ZMAT4: variants seen among roughly 807,000 people sequenced by gnomAD.
The protein encoded by ZMAT4 is zinc finger matrin-type protein 4.
In ZMAT4, 17 loss-of-function variants were observed where a neutral mutation model predicts 28.7. That is an observed-to-expected ratio of 0.59 (90% CI 0.41 to 0.89). ZMAT4 has a LOEUF of 0.89. Ranked by LOEUF, ZMAT4 falls within the 40% of genes least tolerant of loss-of-function variation. The probability of loss-of-function intolerance (pLI) is 0.00; values close to 1 mark genes in which losing one functional copy is unlikely to be tolerated. For missense variants in ZMAT4, 240 were observed against 283.8 expected (o/e 0.85, Z 1.11); for synonymous variants, 117 against 109.2 (o/e 1.07, Z -0.44).
intron 1 of ZMAT4, among the ~76,000 whole-genome samples, chr8:40,845,926 A>T (rs1816879133): frequency 6.6e-6 from 1 of 152,158 alleles, no homozygotes; most frequent in African/African-American, 2.4e-5. Flanking sequence ...GCCAACTGAC[A>T]GATGGCCCTC....
At chr8:40,755,854 C>T (rs546439860) in intron 3 of ZMAT4, among the ~76,000 whole-genome samples, 5 of 152,270 alleles carry the variant, frequency 3.3e-5, no homozygotes, top group Admixed American at 6.5e-5. Flanking sequence ...ACAGACCACA[C>T]AAAAACAGGC....
At chr8:40,670,296 A>T (rs1459245307) in intron 5 of ZMAT4, among the ~76,000 whole-genome samples, 1 of 152,218 alleles carries the variant, frequency 6.6e-6, no homozygotes, top group Non-Finnish European at 1.5e-5. Context: ...GGAAAAGTAA[A>T]TATTTTCTGC....
At chr8:40,642,232 TTTATCTG>T (rs1380181669) in intron 5 of ZMAT4, among the ~76,000 whole-genome samples, 1 of 152,198 alleles carries the variant, frequency 6.6e-6, no homozygotes, top group Non-Finnish European at 1.5e-5. Flanking sequence ...CATCTGGTAC[TTTATCTG>T]TTAAACTTAG....
chr8:40,811,538 ACTTTTGTCTC>A (rs1186636355), intron 2 of ZMAT4, among the ~76,000 whole-genome samples: 5 of 152,194 alleles, frequency 3.3e-5, no homozygotes, highest in African/African-American at 1.2e-4. Flanking sequence ...AGCTGGAGTC[ACTTTTGTCTC>A]CACACGGTCT....
chr8:40,742,775 ACACACAC>A (rs750193355), intron 3 of ZMAT4, among the ~76,000 whole-genome samples: 316 of 149,660 alleles, frequency 2.1e-3, no homozygotes, highest in East Asian at 9.3e-3. Context: ...ACACACACAC[ACACACAC>A]ACACACACAC....
intron 5 of ZMAT4, among the ~76,000 whole-genome samples, chr8:40,670,928 G>A (rs777880306): frequency 6.6e-5 from 10 of 151,986 alleles, no homozygotes; most frequent in Admixed American, 2.6e-4. Flanking sequence ...TTAGCTGGGC[G>A]TGGTGGCACT....
At chr8:40,673,043 G>A (rs894481518) in intron 5 of ZMAT4, among the ~76,000 whole-genome samples, 5 of 152,044 alleles carry the variant, frequency 3.3e-5, no homozygotes, top group African/African-American at 4.8e-5. Context: ...AATCAATCTC[G>A]AATCAAGCTC....
chr8:40,695,453 G>A (rs765918996), intron 4 of ZMAT4, among the ~76,000 whole-genome samples: 11 of 152,200 alleles, frequency 7.2e-5, no homozygotes, highest in East Asian at 1.9e-4. Context: ...GGGAGCTGGC[G>A]CAAGGCAGGC....
intron 2 of ZMAT4, chr8:40,808,428 A>T (rs1221582530): frequency 2.6e-6 from 1 of 391,652 alleles, no homozygotes; most frequent in Admixed American, 3.3e-5. Context: ...TTATTACAGG[A>T]TATTTAAGAG....
At chr8:40,737,236 A>G (rs1418190406) in intron 3 of ZMAT4, among the ~76,000 whole-genome samples, 1 of 152,052 alleles carries the variant, frequency 6.6e-6, no homozygotes, top group Non-Finnish European at 1.5e-5. Context: ...TTAGCTCGTC[A>G]GCTATCATTA....
intron 3 of ZMAT4, among the ~76,000 whole-genome samples, chr8:40,765,349 A>T (rs930064545): frequency 6.6e-6 from 1 of 152,220 alleles, no homozygotes; most frequent in Admixed American, 6.5e-5. Context: ...GCTGTGTCCA[A>T]TAGATCAAAA....
intron 1 of ZMAT4, among the ~76,000 whole-genome samples, chr8:40,827,238 AATATTTACC>A (rs761879790): frequency 2.6e-4 from 40 of 152,222 alleles, no homozygotes; most frequent in Non-Finnish European, 5.4e-4. Flanking sequence ...TTGAGATAAT[AATATTTACC>A]ATGCCTTCTA....
intron 3 of ZMAT4, among the ~76,000 whole-genome samples, chr8:40,765,000 TAA>T (rs59446867): frequency 1.3e-5 from 2 of 150,356 alleles, no homozygotes; most frequent in South Asian, 2.1e-4. Context: ...CCTGGCTAAT[TAA>T]AAAAAAAAAA....
At chr8:40,701,009 A>G (rs1810121242) in intron 3 of ZMAT4, among the ~76,000 whole-genome samples, 1 of 152,140 alleles carries the variant, frequency 6.6e-6, no homozygotes, top group Admixed American at 6.5e-5. Context: ...AGTAACTTGT[A>G]TGACATAAAA....
intron 5 of ZMAT4, among the ~76,000 whole-genome samples, chr8:40,667,401 A>C (rs1808464397): frequency 6.6e-6 from 1 of 152,060 alleles, no homozygotes. Flanking sequence ...TGATCCACCC[A>C]CCTTGGCCTC....
At chr8:40,677,620 A>G (rs986974070) in intron 4 of ZMAT4, among the ~76,000 whole-genome samples, 11 of 152,186 alleles carry the variant, frequency 7.2e-5, no homozygotes, top group Non-Finnish European at 1.6e-4. Context: ...AATACCAAAT[A>G]TAGAAATTAT....
chr8:40,797,293 TTGAG>T (rs1814641689), intron 2 of ZMAT4, among the ~76,000 whole-genome samples: 1 of 152,186 alleles, frequency 6.6e-6, no homozygotes, highest in Admixed American at 6.5e-5. Flanking sequence ...TTAGGGCCAC[TTGAG>T]TGATATGACA....
At chr8:40,555,305 T>TGA (rs1308582495) in intron 6 of ZMAT4, among the ~76,000 whole-genome samples, 2 of 152,220 alleles carry the variant, frequency 1.3e-5, no homozygotes, top group African/African-American at 2.4e-5. Context: ...TTGGATATAC[T>TGA]GATGTATTTT....
rs140172621 is a variant in ZMAT4, at chr8:40,647,268, G to A, written c.577+27436C>T. Among the ~76,000 whole-genome samples the A allele has an allele frequency of 9.9e-3, 1,507 of 152,284 alleles. 9 individuals carry two copies. Among genetic ancestry groups the A allele is most frequent in the Non-Finnish European group, 0.016 (1,084 of 68,018 alleles). On this transcript the variant is annotated intron_variant, in intron 5 of 6. Transcript: ENST00000297737. ...CGAGGCATTGCCTCACTTGGGAAGC[G>A]CAAAGGGTCAGGGAGTTCCCTTTCC...
Sources: allele counts gnomAD v4.1 joint callset (sites outside exome capture counted in the v4.1 genomes callset), GRCh38; gene constraint gnomAD v4.1.1; transcripts MANE v1.5; gene names NCBI Gene and HGNC (gene_info 2026-07-23, HGNC 2026-07-21).